Variants in DNAH14 observed in about 807,000 individuals in gnomAD.
The protein encoded by DNAH14 is axonemal beta dynein heavy chain 14.
Under a neutral mutation model 520.9 loss-of-function variants are expected in DNAH14, and 478 were observed. The ratio of observed to expected loss-of-function variants is 0.92; its 90% CI spans 0.85 to 0.99. The LOEUF (loss-of-function observed/expected upper bound fraction) is 0.99, where lower values mean the gene tolerates loss of function less well. Among genes scored for constraint, DNAH14 ranks in the 50% least tolerant of loss-of-function variants. DNAH14 has a pLI of 0.00. For synonymous variants in DNAH14, 1,581 were observed against 1,757.2 expected, an observed-to-expected ratio of 0.90 and a Z score of 2.51; for missense variants, 4,831 against 5,234.5, an observed-to-expected ratio of 0.92 and a Z score of 2.38.
chr1:225,049,184 G>C (rs1243571317), intron 15 of DNAH14, among the ~76,000 whole-genome samples: 1 of 148,554 alleles, frequency 6.7e-6, no homozygotes, highest in African/African-American at 2.5e-5. Flanking sequence ...TCAACCTCCT[G>C]AGTAGCTGGG....
At chr1:225,337,011 T>C (rs2095071189) in intron 66 of DNAH14, among the ~76,000 whole-genome samples, 1 of 152,170 alleles carries the variant, frequency 6.6e-6, no homozygotes, top group African/African-American at 2.4e-5. Context: ...TTCCTTTGTG[T>C]CCCCTATGGC....
intron 55 of DNAH14, 138 bp from the exon 56 acceptor site, chr1:225,300,731 A>G: frequency 1.1e-6 from 1 of 870,674 alleles, no homozygotes; most frequent in South Asian, 1.8e-5. Context: ...GGTGGGGGAG[A>G]TTAGCTTTAA....
At chr1:225,032,960 A>T (rs1189014698) in intron 11 of DNAH14, among the ~76,000 whole-genome samples, 1 of 151,208 alleles carries the variant, frequency 6.6e-6, no homozygotes, top group Non-Finnish European at 1.5e-5. Context: ...TAAGTTCCTT[A>T]TATATGCTGG....
chr1:225,046,042 TATTTA>T (rs1218101650), intron 15 of DNAH14, among the ~76,000 whole-genome samples: 2 of 151,960 alleles, frequency 1.3e-5, no homozygotes, highest in Non-Finnish European at 2.9e-5. Context: ...CTTTTCCATT[TATTTA>T]ATTTTTCAGT....
At chr1:225,107,928 G>A (rs967738096) in intron 23 of DNAH14, among the ~76,000 whole-genome samples, 2 of 152,180 alleles carry the variant, frequency 1.3e-5, no homozygotes, top group Non-Finnish European at 2.9e-5. Flanking sequence ...CCTGTGTGAT[G>A]GTTAGTATTG....
chr1:225,294,384 T>C (rs1266675015), intron 55 of DNAH14, among the ~76,000 whole-genome samples: 2 of 152,234 alleles, frequency 1.3e-5, no homozygotes, highest in East Asian at 3.9e-4. Flanking sequence ...TCAGGAATAT[T>C]GGCCTATAGT....
intron 79 of DNAH14, 48 bp downstream of exon 79, chr1:225,377,484 G>T: frequency 6.6e-7 from 1 of 1,505,814 alleles, no homozygotes; most frequent in Non-Finnish European, 8.9e-7. Flanking sequence ...ATCAGGCTGG[G>T]TCTGGCAGCT....
intron 61 of DNAH14, among the ~76,000 whole-genome samples, chr1:225,322,150 G>A (rs993972930): frequency 2.3e-5 from 3 of 132,904 alleles, no homozygotes; most frequent in Non-Finnish European, 4.6e-5. Context: ...GAGAACAGTG[G>A]CGTGATCTTG....
intron 32 of DNAH14, 149 bp from the exon 33 acceptor site, chr1:225,152,548 A>G (rs943036229): frequency 3.9e-6 from 3 of 765,058 alleles, no homozygotes; most frequent in African/African-American, 3.6e-5. Context: ...GTAAGATGAA[A>G]GGTACAATAA....
chr1:225,242,550 A>T (rs1418480050), intron 43 of DNAH14, among the ~76,000 whole-genome samples: 1 of 152,182 alleles, frequency 6.6e-6, no homozygotes, highest in Non-Finnish European at 1.5e-5. Flanking sequence ...CTTCAGGGCA[A>T]TAATACACAC....
At position 225,240,823 on chromosome 1, in the gene DNAH14, G is replaced by T. The variant is rs1393481668; in HGVS notation, c.6748+1G>T. 1 of 1,538,280 alleles carries T rather than the reference G, an allele frequency of 6.5e-7. No homozygotes were observed. Among genetic ancestry groups the T allele is most frequent in the African/African-American group, 1.4e-5 (1 of 72,702 alleles). On this transcript the variant is annotated splice_donor_variant, in intron 43 of 85. Transcript: ENST00000682510. LOFTEE classifies it high-confidence loss of function. ...TTATTTGGAAACAGTTCACAAGTAG[G>T]TAAGTTCTGTGGGAAAAATCATAAC...
chr1:224,967,078 A>C (rs1406192762), intron 5 of DNAH14, among the ~76,000 whole-genome samples: 1 of 152,132 alleles, frequency 6.6e-6, no homozygotes, highest in Non-Finnish European at 1.5e-5. Flanking sequence ...TATGCCCAAA[A>C]GATTTCTGGT....
In DNAH14 at chr1:225,377,382, T is replaced by C. The variant is rs2095714658; in HGVS notation, c.12662T>C (p.Ile4221Thr). The change falls in exon 79 of 86, where the codon ATT becomes ACT. Residue 4221 changes from isoleucine (I) to threonine (T), a missense_variant. Coordinates refer to ENST00000682510, the MANE Select transcript of DNAH14 (RefSeq NM_001367479.1). ...TGGGAGACCCAGGGCGAAAAGTTTA[T>C]TGAAAATCTGATTGCCATGCAACCA... Reference protein sequence around the residue: ...SCWETQGEKFIENLIAMQPKT... With the variant: ...SCWETQGEKFTENLIAMQPKT... 5.8e-6 allele frequency: 9 copies of C among 1,551,276 alleles called. No individual in the cohort carries two copies. Among genetic ancestry groups the C allele is most frequent in the Non-Finnish European group, 7.0e-6 (8 of 1,146,818 alleles).
Position 225,089,857 on chromosome 1 carries a change from G to A in DNAH14, c.3573+4068G>A, listed in dbSNP as rs76103243. Among the ~76,000 whole-genome samples, 765 of 152,220 alleles carry A rather than the reference G, an allele frequency of 5.0e-3. 6 individuals carry two copies. Among genetic ancestry groups the A allele is most frequent in the African/African-American group, 0.017 (722 of 41,556 alleles). On this transcript the variant is annotated intron_variant, in intron 21 of 85. Coordinates refer to ENST00000682510, the MANE Select transcript of DNAH14 (RefSeq NM_001367479.1). The stretch of plus-strand genomic sequence containing the variant: ...AAAGAACATCTATGAAAAACATTTT[G>A]TCCTTAATAGTGAAAGACTGAACGC...
chr1:224,999,322 T>C (rs2063597347), intron 8 of DNAH14, among the ~76,000 whole-genome samples: 1 of 152,132 alleles, frequency 6.6e-6, no homozygotes, highest in South Asian at 2.1e-4. Flanking sequence ...TTCTCCTGCC[T>C]CAGCCTCCCA....
At chr1:225,292,294 G>A (rs1337641760) in intron 55 of DNAH14, among the ~76,000 whole-genome samples, 2 of 151,874 alleles carry the variant, frequency 1.3e-5, no homozygotes, top group African/African-American at 4.8e-5. Context: ...GAGAGGTGGG[G>A]GTCTATTTTC....
At chr1:225,204,097 T>C (rs901052979) in intron 38 of DNAH14, 86 bp from the exon 39 acceptor site, 28 of 668,822 alleles carry the variant, frequency 4.2e-5, no homozygotes, top group Non-Finnish European at 6.4e-5. Flanking sequence ...TTTTTATCAC[T>C]CAAGAAAGCA....
At chr1:225,370,887 T>C (rs1262248906) in intron 77 of DNAH14, among the ~76,000 whole-genome samples, 2 of 152,110 alleles carry the variant, frequency 1.3e-5, no homozygotes, top group East Asian at 3.9e-4. Flanking sequence ...ATAAGACAAA[T>C]AAAATTTGAA....
intron 11 of DNAH14, among the ~76,000 whole-genome samples, chr1:225,033,829 C>A (rs995571902): frequency 6.6e-6 from 1 of 152,010 alleles, no homozygotes; most frequent in African/African-American, 2.4e-5. Context: ...CTTTTTATGG[C>A]AATTGTGAAT....
Sources: gnomAD v4.1 joint callset for allele counts (sites outside exome capture counted in the v4.1 genomes callset) on GRCh38, gnomAD v4.1.1 for gene constraint, MANE v1.5 for transcripts, NCBI Gene and HGNC (gene_info 2026-07-23, HGNC 2026-07-21) for gene names.